The following NFIB variants were observed in gnomAD, a reference collection of about 807,000 sequenced individuals.
The protein encoded by NFIB is nuclear factor I B, also known as nuclear factor 1 B-type.
A neutral mutation model predicts 61.5 loss-of-function variants in NFIB; 11 were observed. The ratio of observed to expected loss-of-function variants is 0.18; its 90% CI spans 0.11 to 0.30. NFIB has a LOEUF of 0.30. Among genes scored for constraint, NFIB ranks in the 10% least tolerant of loss-of-function variants. The probability of loss-of-function intolerance (pLI) is 1.00; values close to 1 mark genes in which losing one functional copy is unlikely to be tolerated. For missense variants in NFIB, 471 were observed against 608.9 expected (o/e 0.77, Z 2.38); for synonymous variants, 260 against 216.5 (o/e 1.20, Z -1.76).
chr9:14,267,111 C>T (rs2132290020), intron 2 of NFIB, among the ~76,000 whole-genome samples: 1 of 152,162 alleles, frequency 6.6e-6, no homozygotes, highest in African/African-American at 2.4e-5. Flanking sequence ...GCCAACTTAT[C>T]AGAAAAAGAA....
intron 1 of NFIB, among the ~76,000 whole-genome samples, chr9:14,343,381 T>G (rs1300983191): frequency 6.6e-6 from 1 of 152,058 alleles, no homozygotes; most frequent in Non-Finnish European, 1.5e-5. Context: ...GCAGCTGCCC[T>G]CCCTATTGGA....
chr9:14,463,710 G>T, the NFIB span, among the ~76,000 whole-genome samples: 1 of 134,740 alleles, frequency 7.4e-6, no homozygotes, highest in Admixed American at 8.4e-5. Flanking sequence ...ACCCAGGCTG[G>T]AGTGCAGTGG....
chr9:14,225,420 G>A (rs2131870395), intron 2 of NFIB, among the ~76,000 whole-genome samples: 1 of 124,764 alleles, frequency 8.0e-6, no homozygotes, highest in East Asian at 2.6e-4. Context: ...TCCCGCCACT[G>A]CACTCCAGCC....
intron 2 of NFIB, among the ~76,000 whole-genome samples, chr9:14,293,453 T>C (rs1010636869): frequency 6.6e-6 from 1 of 152,156 alleles, no homozygotes; most frequent in African/African-American, 2.4e-5. Flanking sequence ...TCCCTGAGTA[T>C]GAAAAACTCA....
intron 2 of NFIB, among the ~76,000 whole-genome samples, chr9:14,293,759 G>T (rs1364922997): frequency 6.6e-6 from 1 of 151,972 alleles, no homozygotes; most frequent in Non-Finnish European, 1.5e-5. Context: ...ACAAACTCCT[G>T]GATATTAGAT....
chr9:14,388,217 G>T (rs1276197929), intron 1 of NFIB, among the ~76,000 whole-genome samples: 1 of 151,954 alleles, frequency 6.6e-6, no homozygotes. Flanking sequence ...AGTAAGAAAA[G>T]AAAAATGCAG....
chr9:14,401,637 A>G (rs1181367318), upstream of NFIB, among the ~76,000 whole-genome samples: 2 of 152,174 alleles, frequency 1.3e-5, no homozygotes, highest in East Asian at 3.8e-4. Context: ...GTGGATCTAA[A>G]CAGAGCCTAG....
intron 3 of NFIB, among the ~76,000 whole-genome samples, chr9:14,157,200 G>T (rs889588971): frequency 2.6e-5 from 4 of 152,184 alleles, no homozygotes; most frequent in African/African-American, 9.7e-5. Context: ...AGTGGAACCT[G>T]CGATCAGCTA....
chr9:14,433,314 C>T, the NFIB span, among the ~76,000 whole-genome samples: 7 of 152,054 alleles, frequency 4.6e-5, no homozygotes, highest in Non-Finnish European at 1.0e-4. Flanking sequence ...TGTTTGAGCC[C>T]CATTGTCTAC....
chr9:14,246,204 C>T (rs1348244670), intron 2 of NFIB, among the ~76,000 whole-genome samples: 1 of 152,026 alleles, frequency 6.6e-6, no homozygotes, highest in East Asian at 1.9e-4. Flanking sequence ...AACACTTTCC[C>T]TTTTCCATAA....
the NFIB span, among the ~76,000 whole-genome samples, chr9:14,429,870 A>T: frequency 6.6e-6 from 1 of 152,192 alleles, no homozygotes; most frequent in African/African-American, 2.4e-5. Context: ...GCATATTTTT[A>T]TTGGAAAAAA....
intron 2 of NFIB, among the ~76,000 whole-genome samples, chr9:14,288,745 T>G (rs1698257690): frequency 6.6e-6 from 1 of 152,062 alleles, no homozygotes; most frequent in Non-Finnish European, 1.5e-5. Context: ...TCATAAACAC[T>G]GCAAGTGACC....
intron 1 of NFIB, among the ~76,000 whole-genome samples, chr9:14,310,926 T>C (rs1229845309): frequency 6.6e-6 from 1 of 152,136 alleles, no homozygotes; most frequent in African/African-American, 2.4e-5. Flanking sequence ...CTAGGTGCTC[T>C]TGGCGCATTG....
intron 1 of NFIB, among the ~76,000 whole-genome samples, chr9:14,383,842 C>T (rs904436263): frequency 1.3e-5 from 2 of 152,192 alleles, no homozygotes; most frequent in African/African-American, 4.8e-5. Context: ...AATTAAAAGT[C>T]AGTGGGAAAG....
At chr9:14,383,530 G>A (rs1414752553) in intron 1 of NFIB, among the ~76,000 whole-genome samples, 1 of 152,140 alleles carries the variant, frequency 6.6e-6, no homozygotes, top group Admixed American at 6.5e-5. Context: ...AGAGAAACAT[G>A]GTCCAGTGGT....
At chr9:14,264,108 A>G (rs1311771717) in intron 2 of NFIB, among the ~76,000 whole-genome samples, 3 of 152,194 alleles carry the variant, frequency 2.0e-5, no homozygotes, top group Non-Finnish European at 4.4e-5. Context: ...CCTCTAGCCC[A>G]GACTTCTGGC....
intron 2 of NFIB, among the ~76,000 whole-genome samples, chr9:14,191,401 C>T (rs1220710845): frequency 6.6e-6 from 1 of 151,940 alleles, no homozygotes; most frequent in East Asian, 1.9e-4. Flanking sequence ...AGAAGCCCAC[C>T]ATGAAATCTA....
chr9:14,405,853 AGC>A, the NFIB span, among the ~76,000 whole-genome samples: 1 of 152,226 alleles, frequency 6.6e-6, no homozygotes, highest in African/African-American at 2.4e-5. Flanking sequence ...AGACTTAGAA[AGC>A]AAGAATATAA....
intron 2 of NFIB, among the ~76,000 whole-genome samples, chr9:14,253,260 T>C (rs2055856037): frequency 6.6e-6 from 1 of 152,202 alleles, no homozygotes; most frequent in South Asian, 2.1e-4. Context: ...TAACATAACA[T>C]CTTTAACGAA....
Sources: allele counts gnomAD v4.1 joint callset (sites outside exome capture counted in the v4.1 genomes callset), GRCh38; gene constraint gnomAD v4.1.1; transcripts MANE v1.5; gene names NCBI Gene and HGNC (gene_info 2026-07-23, HGNC 2026-07-21).